FRYL: variants seen among roughly 807,000 people sequenced by gnomAD.
FRYL encodes the protein FRY like transcription coactivator, also known as protein furry homolog-like.
A neutral mutation model predicts 351.2 loss-of-function variants in FRYL; 150 were observed. The observed-to-expected ratio is 0.43, with a 90% CI of 0.37 to 0.49. FRYL has a LOEUF of 0.49. Among genes scored for constraint, FRYL ranks in the 20% least tolerant of loss-of-function variants. The probability of loss-of-function intolerance (pLI) is 0.00; values close to 1 mark genes in which losing one functional copy is unlikely to be tolerated. For missense variants in FRYL, 3,036 were observed against 3,619.3 expected (o/e 0.84, Z 4.13); for synonymous variants, 1,153 against 1,257.1 (o/e 0.92, Z 1.75).
chr4:48,685,952 A>G (rs1335319815), intron 2 of FRYL, among the ~76,000 whole-genome samples: 1 of 152,058 alleles, frequency 6.6e-6, no homozygotes. Context: ...ATGGGGTTTC[A>G]CCATGTTGGC....
chr4:48,675,725 G>C lies in FRYL; in HGVS notation c.-81+8948C>G, dbSNP rs560418974. Among the ~76,000 whole-genome samples the C allele has an allele frequency of 4.6e-5, 7 of 152,330 alleles. No homozygotes were observed. The South Asian group carries it at 1.4e-3, about 32-fold the overall frequency. ...CGACCACCCAAGGGCTGAGGAGTGC[G>C]AGTGCACAGCACGGGACTGGCAGGC... is the stretch of plus-strand genomic sequence containing the variant. On this transcript the variant is annotated intron_variant, in intron 3 of 63. Transcript: ENST00000358350.
intron 1 of FRYL, among the ~76,000 whole-genome samples, chr4:48,733,460 A>G (rs1196522421): frequency 1.3e-5 from 2 of 152,056 alleles, no homozygotes; most frequent in Admixed American, 6.6e-5. Flanking sequence ...AAAAATAAAA[A>G]TAAAAAAAGG....
intron 3 of FRYL, among the ~76,000 whole-genome samples, chr4:48,638,966 G>A (rs990105619): frequency 1.3e-5 from 2 of 152,086 alleles, no homozygotes; most frequent in Non-Finnish European, 2.9e-5. Flanking sequence ...TGGGGTGGGA[G>A]GCTAAGGGAG....
intron 13 of FRYL, among the ~76,000 whole-genome samples, chr4:48,601,388 GAAGAA>G: frequency 6.6e-6 from 1 of 152,322 alleles, no homozygotes; most frequent in East Asian, 1.9e-4. Flanking sequence ...CCTACCCAAA[GAAGAA>G]AAGAGGATCC....
chr4:48,571,864 C>A, intron 26 of FRYL: 2 of 985,250 alleles, frequency 2.0e-6, no homozygotes, highest in Non-Finnish European at 2.4e-6. Context: ...ACATTCAAGG[C>A]ACATCACTGC....
At position 48,712,410 on chromosome 4, in the gene FRYL, A is replaced by G. The variant is rs564211475; in HGVS notation, c.-383-1712T>C. Reference sequence around the variant, plus strand: ...AGCTGAAAGCCAAGGCTCGAGAACTACATGAAGAATGCAGAAGCCTCAAGA... The same window carrying G: ...AGCTGAAAGCCAAGGCTCGAGAACTGCATGAAGAATGCAGAAGCCTCAAGA... On this transcript the variant is annotated intron_variant, in intron 1 of 63. Transcript: ENST00000358350. 7.2e-5 allele frequency among the ~76,000 whole-genome samples: 11 copies of G among 152,364 alleles called. No homozygotes were observed. The East Asian group carries it at 2.1e-3, about 29-fold the overall frequency.
chr4:48,551,574 A>C lies in FRYL; in HGVS notation c.4440T>G (p.Thr1480=). ...SYKIPSVTSG[T]TSSSNTMVAP... ...CTACCATTGTATTGCTACTGGAAGT[A>C]GTTCCTGTAATCAAAGACAAAGCAG... Residue 1480 remains threonine, a synonymous_variant, in exon 37 of 64, where the codon ACT becomes ACG. Transcript: ENST00000358350. The C allele has an allele frequency of 6.2e-7, 1 of 1,604,574 alleles. No individual in the cohort carries two copies. Among genetic ancestry groups the C allele is most frequent in the South Asian group, 1.1e-5 (1 of 90,518 alleles).
chr4:48,724,546 C>T (rs1313162984), intron 1 of FRYL, among the ~76,000 whole-genome samples: 1 of 152,110 alleles, frequency 6.6e-6, no homozygotes, highest in Non-Finnish European at 1.5e-5. Flanking sequence ...TTTGTCTACC[C>T]GACTAAAAAG....
intron 7 of FRYL, among the ~76,000 whole-genome samples, chr4:48,616,657 T>TTA (rs1324004141): frequency 1.3e-5 from 2 of 152,184 alleles, no homozygotes; most frequent in Non-Finnish European, 2.9e-5. Context: ...CGTGTGATTA[T>TTA]TACAGACAAA....
chr4:48,636,571 C>T (rs1329227526), intron 3 of FRYL, among the ~76,000 whole-genome samples: 1 of 151,860 alleles, frequency 6.6e-6, no homozygotes, highest in Non-Finnish European at 1.5e-5. Context: ...CCTTTACTGT[C>T]TTCTACTTTC....
intron 3 of FRYL, among the ~76,000 whole-genome samples, chr4:48,663,773 T>TGAAA: frequency 6.7e-5 from 1 of 14,838 alleles, no homozygotes; most frequent in Non-Finnish European, 1.1e-4. Context: ...AGACTCCGTC[T>TGAAA]CAAAAAAAAA....
At chr4:48,553,178 C>T in intron 36 of FRYL, 37 bp downstream of exon 36, 1 of 1,555,168 alleles carries the variant, frequency 6.4e-7, no homozygotes, top group Non-Finnish European at 8.8e-7. Flanking sequence ...AGATGTCTAT[C>T]ATCTCACACA....
At chr4:48,630,922 CAG>C (rs1321124634) in intron 4 of FRYL, among the ~76,000 whole-genome samples, 1 of 152,072 alleles carries the variant, frequency 6.6e-6, no homozygotes, top group Non-Finnish European at 1.5e-5. Flanking sequence ...ACTCTGAACC[CAG>C]AGAGTCATCT....
At chr4:48,584,327 G>A (rs1368881088) in intron 19 of FRYL, among the ~76,000 whole-genome samples, 1 of 152,198 alleles carries the variant, frequency 6.6e-6, no homozygotes, top group Non-Finnish European at 1.5e-5. Context: ...AGAAAGTTGT[G>A]TGGTTTAGGA....
At chr4:48,652,655 A>G (rs1022791249) in intron 3 of FRYL, among the ~76,000 whole-genome samples, 2 of 152,186 alleles carry the variant, frequency 1.3e-5, no homozygotes, top group African/African-American at 4.8e-5. Flanking sequence ...TCCTCAAACC[A>G]TATTCAATAA....
chr4:48,578,516 A>G (rs970887756), intron 23 of FRYL, among the ~76,000 whole-genome samples: 1 of 152,172 alleles, frequency 6.6e-6, no homozygotes, highest in African/African-American at 2.4e-5. Context: ...CTTTACCAAC[A>G]TCCTCAAATC....
chr4:48,656,712 GTATA>G (rs1759279403), intron 3 of FRYL, among the ~76,000 whole-genome samples: 1 of 94,610 alleles, frequency 1.1e-5, no homozygotes, highest in Non-Finnish European at 2.0e-5. Flanking sequence ...TATATAAAAT[GTATA>G]TATATGACTG....
At position 48,553,359 on chromosome 4, in the gene FRYL, C is replaced by G. The variant is rs1448130233; in HGVS notation, c.4291G>C (p.Gly1431Arg). 1 of 1,611,992 alleles carries G rather than the reference C, an allele frequency of 6.2e-7. No individual in the cohort carries two copies. The highest frequency in any genetic ancestry group is 1.3e-5 in the African/African-American group (1 of 74,980). The change falls in exon 36 of 64, where the codon GGT (glycine) becomes CGT (arginine). Residue 1431 changes from glycine to arginine, a missense_variant. Physicochemically the swap from Gly to Arg is moderately radical, Grantham distance 125. Around this residue, in one of 7 missense-constraint regions of FRYL, gnomAD observed 1,987 missense variants for 2,311.7 expected, o/e 0.86. Transcript: ENST00000358350. Reference sequence around the variant, plus strand: ...AGCAACTGCATTGTTTTATCTCTACCTAAATATACAATGACCTTCTTCACC... The same window carrying G: ...AGCAACTGCATTGTTTTATCTCTACGTAAATATACAATGACCTTCTTCACC... ...PYVKKVIVYL[G>R]RDKTMQLLEE...
chr4:48,594,323 T>G (rs555106461), intron 15 of FRYL, among the ~76,000 whole-genome samples: 2 of 151,366 alleles, frequency 1.3e-5, no homozygotes, highest in African/African-American at 4.9e-5. Context: ...CCCAAGACAA[T>G]AGCCAGGCAG....
Sources: allele counts gnomAD v4.1 joint callset (sites outside exome capture counted in the v4.1 genomes callset), GRCh38; gene constraint gnomAD v4.1.1; regional missense constraint gnomAD v4.1.1; transcripts MANE v1.5; gene names NCBI Gene and HGNC (gene_info 2026-07-23, HGNC 2026-07-21).